The following UGT2B11 variants were observed in gnomAD, a reference collection of about 807,000 sequenced individuals.
UGT2B11 encodes UDP glucuronosyltransferase family 2 member B11, also known as UDP-glucuronosyltransferase 2B11.
In UGT2B11, 49 loss-of-function variants were observed where a neutral mutation model predicts 51.7. The observed-to-expected ratio is 0.95, with a 90% confidence interval of 0.75 to 1.20. The LOEUF (loss-of-function observed/expected upper bound fraction) is 1.20, where lower values mean the gene tolerates loss of function less well. UGT2B11 is among the 50% of genes most tolerant of loss of function. The probability of loss-of-function intolerance (pLI) is 0.00; values close to 1 mark genes in which losing one functional copy is unlikely to be tolerated. For synonymous variants in UGT2B11, 273 were observed against 209.0 expected (o/e 1.31, Z -2.64); for missense variants, 810 against 622.1 (o/e 1.30, Z -3.21).
In UGT2B11 at chr4:69,200,475, A is replaced by T. The variant is rs1216322986; in HGVS notation, c.1555T>A (p.Phe519Ile). The change falls in exon 6 of 6, where the codon TTT becomes ATT. Residue 519 changes from phenylalanine to isoleucine, a missense_variant. Physicochemically the swap from Phe to Ile is conservative, Grantham distance 21. Coordinates refer to ENST00000446444, the MANE Select transcript of UGT2B11 (RefSeq NM_001073.3). The part of the protein sequence containing the change: ...TKFCLFCFWK[F>I]ARKGKKGKRD ...TTTCCCTTCTTCCCTTTTCTAGCAA[A>T]CTTCCAGAAACAAAACAGACAAAAC... The T allele has an allele frequency of 6.2e-7, 1 of 1,611,816 alleles. No homozygotes were observed. Among genetic ancestry groups the T allele is most frequent in the Non-Finnish European group, 8.5e-7 (1 of 1,178,688 alleles).
rs1324657265 is a variant in UGT2B11 at position 69,208,318 on chromosome 4, A to G, written c.1002+33T>C. On this transcript the variant is annotated intron_variant, in intron 3 of 5. Coordinates refer to ENST00000446444, the MANE Select transcript of UGT2B11 (RefSeq NM_001073.3). ...ACAAACATTAACAGCCTCTTTCAGC[A>G]GTTTTCCACACCAGTAAGGCCCTTT... 3 of 1,606,734 alleles carry G rather than the reference A, an allele frequency of 1.9e-6. No individual in the cohort carries two copies. In the African/African-American group the frequency reaches 4.0e-5, roughly 22 times the overall value.
upstream of UGT2B11, chr4:69,216,360 C>T (rs1404755568): frequency 6.6e-6 from 1 of 151,998 alleles, no homozygotes; most frequent in African/African-American, 2.4e-5. Context: ...ATGTCCACAT[C>T]TTGATCAATT....
At chr4:69,213,038 G>T (rs1722133992) in intron 1 of UGT2B11, among the ~76,000 whole-genome samples, 1 of 151,216 alleles carries the variant, frequency 6.6e-6, no homozygotes, top group Admixed American at 6.6e-5. Flanking sequence ...TTCAATAGTT[G>T]CATATAGATA....
At chr4:69,218,949 T>G (rs7695749), upstream of UGT2B11, among the ~76,000 whole-genome samples, 362 of 152,250 alleles carry the variant, frequency 2.4e-3, 1 homozygote, top group African/African-American at 8.1e-3. Flanking sequence ...GAATTCCAGA[T>G]GTCTATAGTG....
Position 69,204,424 on chromosome 4 carries a change from A to C in UGT2B11, c.1310+6T>G. 1 of 1,611,486 alleles carries C rather than the reference A, an allele frequency of 6.2e-7. No individual in the cohort carries two copies. Among genetic ancestry groups the C allele is most frequent in the Non-Finnish European group, 8.5e-7 (1 of 1,178,314 alleles). On this transcript the variant is annotated splice_donor_region_variant and intron_variant, in intron 5 of 5. Coordinates refer to ENST00000446444, the MANE Select transcript of UGT2B11 (RefSeq NM_001073.3). ...ACCACCTAGTGAAAAACATTGTTCT[A>C]CTCACAAAGGATCATTAATTACTGT...
At chr4:69,215,502 AAC>A (rs1341699585), upstream of UGT2B11, 1 of 152,046 alleles carries the variant, frequency 6.6e-6, no homozygotes, top group African/African-American at 2.4e-5. Flanking sequence ...GCTATTTATA[AAC>A]ACAATTTATT....
the UGT2B11 span, among the ~76,000 whole-genome samples, chr4:69,224,585 A>AG: frequency 2.0e-5 from 3 of 152,186 alleles, no homozygotes; most frequent in East Asian, 5.8e-4. Context: ...CAAGCCAAAG[A>AG]GGTCTGATCA....
At chr4:69,221,993 C>G in the UGT2B11 span, among the ~76,000 whole-genome samples, 1 of 152,270 alleles carries the variant, frequency 6.6e-6, no homozygotes, top group Non-Finnish European at 1.5e-5. Context: ...AGTGTCCTTG[C>G]AAACCGCACT....
chr4:69,212,592 G>T lies in UGT2B11; in HGVS notation c.851C>A (p.Pro284His). 6.2e-7 allele frequency: 1 copy of T among 1,608,282 alleles called. No homozygotes were observed. Among genetic ancestry groups the T allele is most frequent in the African/African-American group, 1.3e-5 (1 of 74,490 alleles). The stretch of plus-strand genomic sequence containing the variant: ...GTTTACCTTAGGTAGGGGTTTGGCA[G>T]GTTTGCAGTGGAATCCTCCAACAAA... Reference protein sequence around the residue: ...VDFVGGFHCKPAKPLPKEMEE... With the variant: ...VDFVGGFHCKHAKPLPKEMEE... The change falls in exon 2 of 6, where the codon CCT (proline) becomes CAT (histidine). Residue 284 changes from proline (P) to histidine (H), a missense_variant. Physicochemically the swap from Pro to His is moderately conservative, Grantham distance 77. Transcript: ENST00000446444.
intron 1 of UGT2B11, among the ~76,000 whole-genome samples, chr4:69,212,925 G>A (rs1000900923): frequency 6.6e-6 from 1 of 151,042 alleles, no homozygotes; most frequent in Admixed American, 6.6e-5. Flanking sequence ...AGTGGTGGGA[G>A]AATTATGAGG....
In UGT2B11 at chr4:69,200,453, C is replaced by T. The variant is rs1721608013; in HGVS notation, c.1577G>A (p.Gly526Glu). The change falls in exon 6 of 6, where the codon GGA becomes GAA. Residue 526 changes from glycine (G) to glutamate (E), a missense_variant. Gly to Glu is a moderately conservative substitution (Grantham distance 98). Transcript: ENST00000446444. ...FWKFARKGKK[G>E]KRD is the part of the protein sequence containing the mutation. Reference sequence around the variant, plus strand: ...TGTCAGACATAACTAATCTCTTTTTCCCTTCTTCCCTTTTCTAGCAAACTT... The same window carrying T: ...TGTCAGACATAACTAATCTCTTTTTTCCTTCTTCCCTTTTCTAGCAAACTT... The T allele has an allele frequency of 6.2e-7, 1 of 1,609,074 alleles. No homozygotes were observed. Among genetic ancestry groups the T allele is most frequent in the Non-Finnish European group, 8.5e-7 (1 of 1,177,856 alleles).
chr4:69,224,869 C>T, the UGT2B11 span, among the ~76,000 whole-genome samples: 15 of 152,182 alleles, frequency 9.9e-5, no homozygotes, highest in Non-Finnish European at 1.8e-4. Context: ...CTTTTAAACT[C>T]TTTAAGGCGG....
At position 69,213,747 on chromosome 4, in the gene UGT2B11, T is replaced by G. The variant is rs529055843; in HGVS notation, c.721+255A>C. Among the ~76,000 whole-genome samples, 671 of 151,984 alleles carry G rather than the reference T, an allele frequency of 4.4e-3. 6 individuals are homozygous for G. Among genetic ancestry groups the G allele is most frequent in the African/African-American group, 0.015 (633 of 41,526 alleles). On this transcript the variant is annotated intron_variant, in intron 1 of 5. Transcript: ENST00000446444. ...TAAAACAGATGTGTAATTGCTTAAA[T>G]TCTTAGGTGTACTAATATATAGGTT...
At chr4:69,212,449 G>T (rs1193885835) in intron 2 of UGT2B11, 124 bp downstream of exon 2, 5 of 1,498,176 alleles carry the variant, frequency 3.3e-6, no homozygotes, top group East Asian at 4.7e-5. Context: ...ATTAGTATCT[G>T]CTTTACACCA....
chr4:69,207,019 C>T (rs181823502), intron 3 of UGT2B11, among the ~76,000 whole-genome samples: 2 of 151,342 alleles, frequency 1.3e-5, no homozygotes, highest in Non-Finnish European at 3.0e-5. Context: ...AAATTTCAAG[C>T]GACAATTTTT....
At chr4:69,212,014 T>G (rs1215077511) in intron 2 of UGT2B11, among the ~76,000 whole-genome samples, 1 of 151,460 alleles carries the variant, frequency 6.6e-6, no homozygotes, top group Admixed American at 6.6e-5. Context: ...TGTCTGCCCC[T>G]CCCCTTCATT....
chr4:69,205,602 T>C (rs1721822421), intron 3 of UGT2B11, 35 bp from the exon 4 acceptor site: 2 of 1,596,612 alleles, frequency 1.3e-6, no homozygotes, highest in Non-Finnish European at 1.7e-6. Flanking sequence ...ATTCCATGAG[T>C]GGAACTCAAA....
In UGT2B11 at chr4:69,204,639, T is replaced by G. The variant is rs754002096; in HGVS notation, c.1101A>C (p.Lys367Asn). ...IPQNDLLGHP[K>N]TRAFITHGGA... ...CACCATGAGTTATAAAAGCTCTGGTTTTTGGATGACCTAGGATTGGATGAA... is the reference window on the plus strand; with the variant it reads ...CACCATGAGTTATAAAAGCTCTGGTGTTTGGATGACCTAGGATTGGATGAA... Residue 367 changes from lysine to asparagine, a missense_variant, in exon 5 of 6, where the codon AAA becomes AAC. By Grantham distance (94) the Lys-to-Asn change is moderately conservative (BLOSUM62 0). Transcript: ENST00000446444. The G allele has an allele frequency of 6.2e-7, 1 of 1,611,712 alleles. No individual in the cohort carries two copies. The highest frequency in any genetic ancestry group is 1.7e-5 in the Admixed American group (1 of 59,764).
chr4:69,217,653 A>C (rs535010384), upstream of UGT2B11, among the ~76,000 whole-genome samples: 1 of 152,020 alleles, frequency 6.6e-6, no homozygotes, highest in African/African-American at 2.4e-5. Flanking sequence ...TTTGAAGGCC[A>C]ATTCTCCTCA....
Sources: allele counts gnomAD v4.1 joint callset (sites outside exome capture counted in the v4.1 genomes callset), GRCh38; gene constraint gnomAD v4.1.1; transcripts MANE v1.5; gene names NCBI Gene and HGNC (gene_info 2026-07-23, HGNC 2026-07-21).